The following TUB variants were observed in gnomAD, a reference collection of about 807,000 sequenced individuals.
The protein encoded by TUB is tubby protein homolog.
In TUB, 33 loss-of-function variants were observed where a neutral mutation model predicts 59.7. The ratio of observed to expected loss-of-function variants is 0.55; its 90% CI spans 0.42 to 0.74. The LOEUF is 0.74. TUB is among the 30% of genes least tolerant of loss of function. The pLI is 0.00. For synonymous variants in TUB, 293 were observed against 256.4 expected (o/e 1.14, Z -1.36); for missense variants, 659 against 672.0 (o/e 0.98, Z 0.21).
At chr11:8,039,691 C>A in exon 2 of TUB, 2 of 1,534,580 alleles carry the variant, frequency 1.3e-6, no homozygotes, top group South Asian at 1.3e-5. Context: ...GGAGATCGCT[C>A]GGTGAGCTGG....
chr11:8,088,918 T>C (rs1010457551), intron 1 of TUB, among the ~76,000 whole-genome samples: 2 of 152,240 alleles, frequency 1.3e-5, no homozygotes, highest in African/African-American at 4.8e-5. Flanking sequence ...TGGTAGCTGG[T>C]TGCTGGGCTG....
chr11:8,098,869 G>A lies in TUB; in HGVS notation c.1110G>A (p.Val370=), dbSNP rs1190758152. 6.2e-7 allele frequency: 1 copy of A among 1,612,762 alleles called. No individual in the cohort carries two copies. Among genetic ancestry groups the A allele is most frequent in the Non-Finnish European group, 8.5e-7 (1 of 1,178,782 alleles). The change falls in exon 9 of 12, where the codon GTG becomes GTA. Residue 370 remains valine, a synonymous_variant. Coordinates refer to ENST00000299506, the MANE Select transcript of TUB (RefSeq NM_177972.3). ...CCTTACGTCAGGAGCTGGCAGCTGT[G>A]TGCTACGTGAGTCCTAGGTTCGGGG... The part of the protein sequence containing the change: ...SGTLRQELAA[V]CYETNVLGFK...
chr11:8,039,796 C>A, intron 2 of TUB: 1 of 919,978 alleles, frequency 1.1e-6, no homozygotes, highest in Non-Finnish European at 1.5e-6. Context: ...GGGCCATGAA[C>A]CCCATATGCG....
intron 2 of TUB, among the ~76,000 whole-genome samples, chr11:8,056,690 A>G (rs367971319): frequency 6.6e-6 from 1 of 151,948 alleles, no homozygotes; most frequent in South Asian, 2.1e-4. Flanking sequence ...AGGAAAATCT[A>G]TCTGTGGAGT....
At chr11:8,076,416 T>C (rs559331011), upstream of TUB, 1 of 152,370 alleles carries the variant, frequency 6.6e-6, no homozygotes, top group South Asian at 2.1e-4. Flanking sequence ...AAATTCATTC[T>C]AAACCTCCAA....
intron 2 of TUB, among the ~76,000 whole-genome samples, chr11:8,054,526 A>C (rs139753043): frequency 1.4e-4 from 22 of 152,212 alleles, no homozygotes; most frequent in Non-Finnish European, 2.8e-4. Flanking sequence ...CATTTCCATC[A>C]ATTGGAATGG....
intron 1 of TUB, among the ~76,000 whole-genome samples, chr11:8,026,431 C>G (rs1219752331): frequency 1.3e-5 from 2 of 149,236 alleles, no homozygotes; most frequent in Non-Finnish European, 3.0e-5. Flanking sequence ...TAGATCTTTG[C>G]TACATTTTGA....
chr11:8,069,398 TCGG>T (rs750879304), intron 2 of TUB: 1 of 28,334 alleles, frequency 3.5e-5, no homozygotes, highest in Non-Finnish European at 1.3e-4. Context: ...TTGTATTCTT[TCGG>T]GGGGGGGGGG....
chr11:8,069,760 G>A (rs778027337), intron 2 of TUB, among the ~76,000 whole-genome samples: 6 of 152,052 alleles, frequency 3.9e-5, no homozygotes, highest in East Asian at 1.9e-4. Flanking sequence ...AGGGGCAGAC[G>A]AGTAGCTTAT....
At chr11:8,083,170 G>A (rs1943602848) in intron 1 of TUB, among the ~76,000 whole-genome samples, 1 of 152,186 alleles carries the variant, frequency 6.6e-6, no homozygotes, top group Admixed American at 6.5e-5. Context: ...ACCTTTTCTA[G>A]CCACGCGGCA....
At chr11:8,070,073 G>C (rs1386116187) in intron 2 of TUB, among the ~76,000 whole-genome samples, 1 of 152,166 alleles carries the variant, frequency 6.6e-6, no homozygotes. Flanking sequence ...TTATCACAGA[G>C]CCCACGTTCA....
intron 2 of TUB, among the ~76,000 whole-genome samples, chr11:8,048,811 TTGTAA>T (rs1376595407): frequency 1.3e-5 from 2 of 152,208 alleles, no homozygotes; most frequent in African/African-American, 2.4e-5. Context: ...ATATGTAATG[TTGTAA>T]TGTTATGTAA....
At chr11:8,068,839 T>TG (rs1943299722) in intron 2 of TUB, 1 of 152,218 alleles carries the variant, frequency 6.6e-6, no homozygotes, top group African/African-American at 2.4e-5. Context: ...GTGCCCTGTG[T>TG]TAGTCATCTC....
intron 5 of TUB, 76 bp from the exon 6 acceptor site, chr11:8,096,609 G>A (rs929600718): frequency 1.4e-5 from 14 of 970,710 alleles, no homozygotes; most frequent in Admixed American, 1.0e-4. Flanking sequence ...CTGAACATGA[G>A]TATGTGACCA....
chr11:8,086,313 G>C (rs974130177), intron 1 of TUB, among the ~76,000 whole-genome samples: 1 of 152,152 alleles, frequency 6.6e-6, no homozygotes, highest in Admixed American at 6.5e-5. Context: ...GGGAAGCGTC[G>C]GTGAGAAAGG....
At chr11:8,024,410 T>C (rs968174617) in intron 1 of TUB, among the ~76,000 whole-genome samples, 1 of 152,136 alleles carries the variant, frequency 6.6e-6, no homozygotes, top group African/African-American at 2.4e-5. Context: ...TCACTCCCAT[T>C]GCCCACAACA....
At chr11:8,071,214 G>A (rs1330791625) in intron 2 of TUB, among the ~76,000 whole-genome samples, 1 of 152,190 alleles carries the variant, frequency 6.6e-6, no homozygotes, top group East Asian at 1.9e-4. Flanking sequence ...GTGACTGGGT[G>A]AGGGTGGGTC....
At chr11:8,033,388 G>C (rs1163913076) in intron 1 of TUB, among the ~76,000 whole-genome samples, 1 of 152,200 alleles carries the variant, frequency 6.6e-6, no homozygotes, top group African/African-American at 2.4e-5. Flanking sequence ...TGAGCACTCC[G>C]GGAGTTTCTG....
rs1235738280 is a variant in TUB, at chr11:8,081,337, C to T, written c.-174C>T. The T allele has an allele frequency of 3.3e-5, 32 of 983,848 alleles. No homozygotes were observed. The highest frequency in any genetic ancestry group is 4.6e-5 in the South Asian group (1 of 21,556). 60.9% of individuals were successfully genotyped at this position (983,848 alleles called of 1,614,324 possible). A position where few individuals can be genotyped will look rare whatever the true frequency, so the allele number is the denominator to read the frequency against. On this transcript the variant is annotated 5_prime_UTR_variant, in exon 1 of 12. Transcript: ENST00000299506. ...CCTCGCCGCGCCGCGCAGGCAGCCG[C>T]TCGCAGAGCCAGCAGCCGGGGCCCT...
Sources: allele counts gnomAD v4.1 joint callset (sites outside exome capture counted in the v4.1 genomes callset), GRCh38; gene constraint gnomAD v4.1.1; transcripts MANE v1.5; gene names NCBI Gene and HGNC (gene_info 2026-07-23, HGNC 2026-07-21).